Variants in MAGI2 observed in about 807,000 individuals in gnomAD.
MAGI2 encodes membrane associated guanylate kinase, WW and PDZ domain containing 2, also known as membrane-associated guanylate kinase, WW and PDZ domain-containing protein 2.
In MAGI2, 35 loss-of-function variants were observed where a neutral mutation model predicts 133.3. The ratio of observed to expected loss-of-function variants is 0.26; its 90% CI spans 0.20 to 0.35. MAGI2 has a LOEUF of 0.35. Ranked by LOEUF, MAGI2 falls within the 10% of genes least tolerant of loss-of-function variation. MAGI2 has a pLI of 1.00. For missense variants in MAGI2, 1,636 were observed against 1,863.4 expected, an observed-to-expected ratio of 0.88 and a Z score of 2.25; for synonymous variants, 729 against 710.6, an observed-to-expected ratio of 1.03 and a Z score of -0.41.
At chr7:79,071,651 G>A (rs1814985123) in intron 1 of MAGI2, among the ~76,000 whole-genome samples, 1 of 148,574 alleles carries the variant, frequency 6.7e-6, no homozygotes, top group South Asian at 2.1e-4. Flanking sequence ...TTCCAGAGAT[G>A]CCCTGCCCAG....
chr7:78,158,455 T>C (rs1035242260), intron 16 of MAGI2: 2 of 152,138 alleles, frequency 1.3e-5, no homozygotes, highest in African/African-American at 2.4e-5. Flanking sequence ...TATAGGATCA[T>C]AGAACCTTAG....
intron 2 of MAGI2, among the ~76,000 whole-genome samples, chr7:78,681,163 C>T (rs920503049): frequency 1.4e-4 from 21 of 152,094 alleles, no homozygotes; most frequent in Non-Finnish European, 2.5e-4. Flanking sequence ...ATACATTCTC[C>T]ATATCCACAT....
At chr7:78,389,322 A>T (rs1583843351) in intron 6 of MAGI2, among the ~76,000 whole-genome samples, 1 of 152,224 alleles carries the variant, frequency 6.6e-6, no homozygotes, top group East Asian at 1.9e-4. Flanking sequence ...CGAGGGACAC[A>T]AAGAATGTAC....
At chr7:78,381,122 G>C (rs1303328905) in intron 6 of MAGI2, among the ~76,000 whole-genome samples, 2 of 152,092 alleles carry the variant, frequency 1.3e-5, no homozygotes, top group Non-Finnish European at 2.9e-5. Flanking sequence ...TGAGGCTGGC[G>C]GACCACTTGA....
At chr7:78,822,700 C>T (rs890227029) in intron 2 of MAGI2, among the ~76,000 whole-genome samples, 13 of 152,040 alleles carry the variant, frequency 8.6e-5, no homozygotes, top group African/African-American at 3.1e-4. Context: ...TCCCCACCTA[C>T]TGCCTGTTTT....
intron 1 of MAGI2, among the ~76,000 whole-genome samples, chr7:79,235,774 G>A (rs954853527): frequency 1.3e-5 from 2 of 152,206 alleles, no homozygotes; most frequent in African/African-American, 4.8e-5. Context: ...CACGCTGGGA[G>A]CTGTAGACCG....
rs116869168 is a variant in MAGI2, at chr7:78,530,796, G to A, written c.539-9151C>T. Reference sequence around the variant, plus strand: ...TCCAATTTCCTTTCAGTCTTGCCAAGTGACTGGGTTACTACTCTGAGAAAC... The same window carrying A: ...TCCAATTTCCTTTCAGTCTTGCCAAATGACTGGGTTACTACTCTGAGAAAC... On this transcript the variant is annotated intron_variant, in intron 3 of 21. Transcript: ENST00000354212. Among the ~76,000 whole-genome samples the A allele has an allele frequency of 1.9e-4, 29 of 151,978 alleles. No individual in the cohort carries two copies. In the East Asian group the frequency reaches 5.2e-3, roughly 27 times the overall value.
chr7:78,120,355 A>C (rs1319180384), intron 20 of MAGI2, among the ~76,000 whole-genome samples: 1 of 152,206 alleles, frequency 6.6e-6, no homozygotes, highest in Non-Finnish European at 1.5e-5. Flanking sequence ...GTGAGCCGAG[A>C]TTGTGCCACT....
intron 6 of MAGI2, among the ~76,000 whole-genome samples, chr7:78,428,336 A>C (rs1799479826): frequency 6.6e-6 from 1 of 152,178 alleles, no homozygotes; most frequent in South Asian, 2.1e-4. Context: ...AAAGGAATAA[A>C]TGCAGATAAC....
chr7:79,352,346 C>T (rs9641579), intron 1 of MAGI2, among the ~76,000 whole-genome samples: 22,392 of 152,142 alleles, frequency 0.15, 1,765 homozygotes, highest in East Asian at 0.2. Flanking sequence ...CAAGCAGAGA[C>T]CACTTTGAAA....
At chr7:78,671,712 C>G (rs1814415841) in intron 2 of MAGI2, among the ~76,000 whole-genome samples, 1 of 152,128 alleles carries the variant, frequency 6.6e-6, no homozygotes, top group African/African-American at 2.4e-5. Context: ...CTAAAACCGT[C>G]TGATGTTTAC....
intron 2 of MAGI2, among the ~76,000 whole-genome samples, chr7:78,820,825 C>A (rs918411475): frequency 5.1e-4 from 78 of 151,888 alleles, no homozygotes; most frequent in African/African-American, 1.7e-3. Context: ...AGGATCAACA[C>A]TTCAATCTAT....
At chr7:78,099,442 G>T (rs1470395605) in intron 20 of MAGI2, among the ~76,000 whole-genome samples, 1 of 152,080 alleles carries the variant, frequency 6.6e-6, no homozygotes, top group Non-Finnish European at 1.5e-5. Flanking sequence ...TTTTGAGTGT[G>T]CATTGAATTA....
In MAGI2 at chr7:79,428,782, C is replaced by G. The variant is rs555350217; in HGVS notation, c.301+24238G>C. Among the ~76,000 whole-genome samples, 222 of 152,122 alleles carry G rather than the reference C, an allele frequency of 1.5e-3. 2 individuals are homozygous for G. The highest frequency in any genetic ancestry group is 4.8e-3 in the African/African-American group (198 of 41,532). ...CAGATTATATTGGATGACAAATCGC[C>G]TGAGTTAATACCCTACTGAAAATGT... On this transcript the variant is annotated intron_variant, in intron 1 of 21. Coordinates refer to ENST00000354212, the MANE Select transcript of MAGI2 (RefSeq NM_012301.4).
At chr7:78,628,440 A>G (rs1318476495) in intron 2 of MAGI2, among the ~76,000 whole-genome samples, 1 of 152,124 alleles carries the variant, frequency 6.6e-6, no homozygotes. Flanking sequence ...CAACTAGGTC[A>G]TGAAAATAGC....
intron 3 of MAGI2, among the ~76,000 whole-genome samples, chr7:78,524,595 G>T (rs994453834): frequency 2.0e-5 from 3 of 152,194 alleles, no homozygotes; most frequent in African/African-American, 7.2e-5. Flanking sequence ...AGTCGGCAAA[G>T]TGGATAATAT....
At chr7:78,496,937 G>A (rs2192648) in intron 5 of MAGI2, among the ~76,000 whole-genome samples, 77,969 of 151,988 alleles carry the variant, frequency 0.51, 22,165 homozygotes, top group African/African-American at 0.78. Context: ...AAGAGCCCTG[G>A]CTATGTCTGA....
At chr7:78,455,551 T>C (rs1375091650) in intron 6 of MAGI2, among the ~76,000 whole-genome samples, 1 of 152,126 alleles carries the variant, frequency 6.6e-6, no homozygotes, top group Non-Finnish European at 1.5e-5. Context: ...CCAATTTCTC[T>C]CACCCACAAA....
At position 78,054,723 on chromosome 7, in the gene MAGI2, A is replaced by G. The variant is rs532038513; in HGVS notation, c.3706+24224T>C. ...CACCCAGGCTGGAGTGCAGTGGTGC[A>G]ATCACGGCTCACTGCAGCCTCAACC... is the stretch of plus-strand genomic sequence containing the variant. On this transcript the variant is annotated intron_variant, in intron 21 of 21. Coordinates refer to ENST00000354212, the MANE Select transcript of MAGI2 (RefSeq NM_012301.4). Among the ~76,000 whole-genome samples, 188 of 152,034 alleles carry G rather than the reference A, an allele frequency of 1.2e-3. 1 individual carries two copies. Among genetic ancestry groups the G allele is most frequent in the South Asian group, 0.01 (50 of 4,808 alleles).
Sources: allele counts gnomAD v4.1 joint callset (sites outside exome capture counted in the v4.1 genomes callset), GRCh38; gene constraint gnomAD v4.1.1; transcripts MANE v1.5; gene names NCBI Gene and HGNC (gene_info 2026-07-23, HGNC 2026-07-21).